Variants in CUL9 observed in about 807,000 individuals in gnomAD.
The protein encoded by CUL9 is cullin-9.
A neutral mutation model predicts 272.6 loss-of-function variants in CUL9; 79 were observed. That is an observed-to-expected ratio of 0.29 (90% CI 0.24 to 0.35). The LOEUF is 0.35. Ranked by LOEUF, CUL9 falls within the 10% of genes least tolerant of loss-of-function variation. The pLI is 1.00. For missense variants in CUL9, 2,532 were observed against 3,255.6 expected, an observed-to-expected ratio of 0.78 and a Z score of 5.41; for synonymous variants, 1,186 against 1,286.5, an observed-to-expected ratio of 0.92 and a Z score of 1.67.
chr6:43,220,492 G>C lies in CUL9; in HGVS notation c.6316G>C (p.Glu2106Gln), dbSNP rs779531714. ...GAATGAGTACCTGACAACTCGGATC[G>C]AGCAGAACCTTGTTTTGAATTGCAC... ...CWNEYLTTRI[E>Q]QNLVLNCTCP... The change falls in exon 32 of 41, where the codon GAG becomes CAG. Residue 2106 changes from glutamate to glutamine, a missense_variant. By Grantham distance (29) the Glu-to-Gln change is conservative. This residue lies in a region of CUL9 where 2,218 missense variants were observed against 2,788.6 expected (regional missense o/e 0.80). Coordinates refer to ENST00000252050, the MANE Select transcript of CUL9 (RefSeq NM_015089.4). This position sits in a 1 kb window ranked among gnomAD's most constrained non-coding sequence, Gnocchi z 4.9. 1.9e-6 allele frequency: 3 copies of C among 1,614,118 alleles called. No individual in the cohort carries two copies. Among genetic ancestry groups the C allele is most frequent in the South Asian group, 1.1e-5 (1 of 91,082 alleles).
intron 1 of CUL9, among the ~76,000 whole-genome samples, chr6:43,183,561 A>G (rs949382030): frequency 3.3e-5 from 5 of 151,882 alleles, no homozygotes; most frequent in Non-Finnish European, 7.4e-5. Context: ...CTGTCCACCC[A>G]TGTCATTCTT....
chr6:43,200,271 G>C lies in CUL9; in HGVS notation c.3384+115G>C, dbSNP rs1189190734. The C allele has an allele frequency of 6.9e-7, 1 of 1,448,278 alleles. No individual in the cohort carries two copies. The highest frequency in any genetic ancestry group is 1.4e-5 in the African/African-American group (1 of 71,268). 89.7% of individuals were successfully genotyped at this position (1,448,278 alleles called of 1,614,324 possible). On this transcript the variant is annotated intron_variant, in intron 14 of 40. Transcript: ENST00000252050. This position sits in a 1 kb window ranked among gnomAD's most constrained non-coding sequence, Gnocchi z 4.0. ...TTGGCACAGGTTGTAGCAAATCTGG[G>C]GCACTTGTTTCCTAACCTTGACTCC...
chr6:43,201,839 C>T (rs919830962), intron 16 of CUL9, among the ~76,000 whole-genome samples: 3 of 152,186 alleles, frequency 2.0e-5, no homozygotes, highest in Admixed American at 1.3e-4. Context: ...AAAGGCAGAT[C>T]ACAAAATGTT....
At position 43,196,741 on chromosome 6, in the gene CUL9, A is replaced by C. The variant is rs1484919884; in HGVS notation, c.2682A>C (p.Arg894Ser). Residue 894 changes from arginine (R) to serine (S), a missense_variant, in exon 11 of 41, where the codon AGA becomes AGC. Physicochemically the swap from Arg to Ser is moderately radical, Grantham distance 110. Coordinates refer to ENST00000252050, the MANE Select transcript of CUL9 (RefSeq NM_015089.4). ...ACCAGATTATAACCCAAGAGCTGAG[A>C]GACACGTTGTTTAGGCACTCAGGGA... is the stretch of plus-strand genomic sequence containing the variant. ...LGDQIITQELRDTLFRHSGIA... is the reference protein window; with the variant it reads ...LGDQIITQELSDTLFRHSGIA... The C allele has an allele frequency of 1.9e-6, 3 of 1,614,072 alleles. No individual in the cohort carries two copies. The highest frequency in any genetic ancestry group is 1.7e-5 in the Admixed American group (1 of 60,006).
At chr6:43,207,044 A>G (rs181627249) in intron 26 of CUL9, among the ~76,000 whole-genome samples, 196 of 152,248 alleles carry the variant, frequency 1.3e-3, no homozygotes, top group Admixed American at 4.6e-3. Flanking sequence ...GGGTTTCACC[A>G]TGTTAACCAG....
Position 43,220,993 on chromosome 6 carries a change from C to G in CUL9, c.6588+82C>G, listed in dbSNP as rs1414883955. 3 of 1,488,108 alleles carry G rather than the reference C, an allele frequency of 2.0e-6. No homozygotes were observed. The highest frequency in any genetic ancestry group is 2.7e-6 in the Non-Finnish European group (3 of 1,110,748). 92.2% of individuals were successfully genotyped at this position (1,488,108 alleles called of 1,614,324 possible). On this transcript the variant is annotated intron_variant, in intron 33 of 40. Coordinates refer to ENST00000252050, the MANE Select transcript of CUL9 (RefSeq NM_015089.4). This position sits in a 1 kb window ranked among gnomAD's most constrained non-coding sequence, Gnocchi z 4.9. ...TAATATCCCCACCCCGCCACACACA[C>G]AGACTGTGACTTGTCCTTCCTCAGC...
Position 43,224,128 on chromosome 6 carries a change from G to A in CUL9, c.7318G>A (p.Glu2440Lys), listed in dbSNP as rs756475860. The A allele has an allele frequency of 6.2e-7, 1 of 1,614,238 alleles. No homozygotes were observed. Among genetic ancestry groups the A allele is most frequent in the South Asian group, 1.1e-5 (1 of 91,088 alleles). ...FRVGLQSPSV[E>K]AWEAKGPNMP... ...GGTTGGTCTTCAGAGTCCATCAGTA[G>A]AGGCCTGGGAGGCAAAAGGACCCAA... Residue 2440 changes from glutamate (E) to lysine (K), a missense_variant, in exon 40 of 41, where the codon GAG becomes AAG. Coordinates refer to ENST00000252050, the MANE Select transcript of CUL9 (RefSeq NM_015089.4). The surrounding 1 kb of genome is among the most constrained non-coding windows in gnomAD (Gnocchi z 4.2).
At chr6:43,219,545 A>G (rs749761277) in intron 31 of CUL9, among the ~76,000 whole-genome samples, 5 of 152,168 alleles carry the variant, frequency 3.3e-5, no homozygotes, top group Admixed American at 6.5e-5. Flanking sequence ...TTCAATGCAG[A>G]AAGGGTTTTG....
intron 26 of CUL9, among the ~76,000 whole-genome samples, chr6:43,212,084 C>T (rs1483508835): frequency 6.6e-6 from 1 of 152,212 alleles, no homozygotes; most frequent in Non-Finnish European, 1.5e-5. Context: ...ATTGCATTCA[C>T]GTGGTGTCCT....
Position 43,186,127 on chromosome 6 carries a change from A to G in CUL9, c.923A>G (p.Asn308Ser). The change falls in exon 4 of 41, where the codon AAC becomes AGC. Residue 308 changes from asparagine (N) to serine (S), a missense_variant. This residue lies in a region of CUL9 where 2,218 missense variants were observed against 2,788.6 expected (regional missense o/e 0.80). Coordinates refer to ENST00000252050, the MANE Select transcript of CUL9 (RefSeq NM_015089.4). ...CTGGAGTTCAGCATGGCTGTGGGCA[A>G]CCTCATCTCTGAGCTTGTGCGGAGC... Reference protein sequence around the residue: ...RELEFSMAVGNLISELVRSMG... With the variant: ...RELEFSMAVGSLISELVRSMG... The G allele has an allele frequency of 6.2e-7, 1 of 1,614,214 alleles. No individual in the cohort carries two copies. Among genetic ancestry groups the G allele is most frequent in the South Asian group, 1.1e-5 (1 of 91,088 alleles).
intron 26 of CUL9, among the ~76,000 whole-genome samples, chr6:43,210,863 T>C (rs1043106760): frequency 6.6e-6 from 1 of 152,162 alleles, no homozygotes; most frequent in African/African-American, 2.4e-5. Flanking sequence ...CCTATATACA[T>C]ATGATTCTAC....
intron 17 of CUL9, 141 bp from the exon 18 acceptor site, chr6:43,202,968 G>A (rs1266078997): frequency 3.4e-6 from 4 of 1,186,936 alleles, no homozygotes; most frequent in Non-Finnish European, 4.9e-6. Flanking sequence ...TGGGATTAGG[G>A]ATGCAGAGCC....
intron 10 of CUL9, 177 bp downstream of exon 10, chr6:43,196,442 G>A: frequency 2.6e-6 from 2 of 765,638 alleles, no homozygotes; most frequent in Non-Finnish European, 4.2e-6. Context: ...GGGATAGGGA[G>A]ATTCCCAGAG....
intron 20 of CUL9, 140 bp downstream of exon 20, chr6:43,204,127 T>G: frequency 4.2e-6 from 5 of 1,189,780 alleles, no homozygotes; most frequent in Non-Finnish European, 5.8e-6. Flanking sequence ...CTCTCCTTCC[T>G]GCCCCAGGCA....
At position 43,200,145 on chromosome 6, in the gene CUL9, G is replaced by A. The variant is rs373755106; in HGVS notation, c.3373G>A (p.Gly1125Ser). Residue 1125 changes from glycine (G) to serine (S), a missense_variant, in exon 14 of 41, where the codon GGC (glycine) becomes AGC (serine). Gly to Ser is a moderately conservative substitution (Grantham distance 56). Transcript: ENST00000252050. This position sits in a 1 kb window ranked among gnomAD's most constrained non-coding sequence, Gnocchi z 4.0. ...YSNLTSSILA[G>S]CIQMVLGQIE... Reference sequence around the variant, plus strand: ...CAACCTCACCTCCAGCATCCTGGCCGGCTGCATTCAGGTGAGGAGCGGCTG... The same window carrying A: ...CAACCTCACCTCCAGCATCCTGGCCAGCTGCATTCAGGTGAGGAGCGGCTG... The A allele has an allele frequency of 4.1e-5, 66 of 1,613,834 alleles. No individual in the cohort carries two copies. The highest frequency in any genetic ancestry group is 5.0e-5 in the Non-Finnish European group (59 of 1,179,900).
In CUL9 at chr6:43,203,596, G is replaced by A; in HGVS notation, c.4025+4G>A. The A allele has an allele frequency of 6.2e-7, 1 of 1,612,176 alleles. No individual in the cohort carries two copies. Among genetic ancestry groups the A allele is most frequent in the Non-Finnish European group, 8.5e-7 (1 of 1,179,568 alleles). On this transcript the variant is annotated splice_donor_region_variant and intron_variant, in intron 19 of 40. Transcript: ENST00000252050. This position sits in a 1 kb window ranked among gnomAD's most constrained non-coding sequence, Gnocchi z 5.0. ...GCCTCCTCCAGCTCTGTCCCAGGTG[G>A]GTGGGGCCTGAGGAGGGAAGATGGG...
rs569088073 is a variant in CUL9, at chr6:43,218,863, C to G, written c.6283-1596C>G. Among the ~76,000 whole-genome samples, 1 of 152,160 alleles carries G rather than the reference C, an allele frequency of 6.6e-6. No individual in the cohort carries two copies. The highest frequency in any genetic ancestry group is 6.5e-5 in the Admixed American group (1 of 15,276). On this transcript the variant is annotated intron_variant, in intron 31 of 40. Coordinates refer to ENST00000252050, the MANE Select transcript of CUL9 (RefSeq NM_015089.4). The surrounding 1 kb of genome is among the most constrained non-coding windows in gnomAD (Gnocchi z 4.4). ...CACCTGTGTGGAACTGGCAGGTAGA[C>G]AGTGGATTTTTGAATTTGGAATGAA...
At chr6:43,195,489 T>C (rs974099193) in intron 9 of CUL9, among the ~76,000 whole-genome samples, 1 of 152,124 alleles carries the variant, frequency 6.6e-6, no homozygotes, top group African/African-American at 2.4e-5. Context: ...TAGGTGGTAA[T>C]TGAAGCAATG....
At chr6:43,214,988 G>A in intron 29 of CUL9, 91 bp from the exon 30 acceptor site, 2 of 1,443,572 alleles carry the variant, frequency 1.4e-6, no homozygotes, top group East Asian at 2.3e-5. Context: ...AAAAAAAAGG[G>A]GGGGAAAAAT....
Sources: gnomAD v4.1 joint callset for allele counts (sites outside exome capture counted in the v4.1 genomes callset) on GRCh38, gnomAD v4.1.1 for gene constraint, gnomAD v4.1.1 regional missense constraint, Gnocchi (gnomAD v3.1) non-coding constraint, MANE v1.5 for transcripts, NCBI Gene and HGNC (gene_info 2026-07-23, HGNC 2026-07-21) for gene names.